The following EPHB1 variants were observed in gnomAD, a reference collection of about 807,000 sequenced individuals.
The protein encoded by EPHB1 is EPH receptor B1.
In EPHB1, 30 loss-of-function variants were observed where a neutral mutation model predicts 94.4. The observed-to-expected ratio is 0.32, with a 90% CI of 0.24 to 0.43. The LOEUF is 0.43. EPHB1 is among the 20% of genes least tolerant of loss of function. EPHB1 has a pLI of 1.00. For synonymous variants in EPHB1, 522 were observed against 489.1 expected, an observed-to-expected ratio of 1.07 and a Z score of -0.89; for missense variants, 1,055 against 1,308.3, an observed-to-expected ratio of 0.81 and a Z score of 2.99.
intron 5 of EPHB1, among the ~76,000 whole-genome samples, chr3:135,152,003 A>G (rs1941208999): frequency 6.6e-6 from 1 of 152,234 alleles, no homozygotes; most frequent in Non-Finnish European, 1.5e-5. Flanking sequence ...CATGATAGAT[A>G]TTAGTTTTAT....
chr3:135,180,382 C>T (rs963565895), intron 10 of EPHB1, among the ~76,000 whole-genome samples: 2 of 152,226 alleles, frequency 1.3e-5, no homozygotes, highest in African/African-American at 4.8e-5. Context: ...TCTTGCCATA[C>T]TGTAAGTTCT....
At chr3:134,992,243 C>A (rs1486401459) in intron 3 of EPHB1, among the ~76,000 whole-genome samples, 4 of 152,116 alleles carry the variant, frequency 2.6e-5, no homozygotes, top group South Asian at 2.1e-4. Context: ...AGGGAGCAGG[C>A]GGGCTGCTCT....
chr3:134,908,568 A>G (rs2107693149), intron 1 of EPHB1, among the ~76,000 whole-genome samples: 1 of 152,332 alleles, frequency 6.6e-6, no homozygotes, highest in South Asian at 2.1e-4. Context: ...GAGCTCCACC[A>G]GCGTGGTGAG....
At chr3:135,062,756 T>C (rs1307621531) in intron 3 of EPHB1, among the ~76,000 whole-genome samples, 1 of 152,242 alleles carries the variant, frequency 6.6e-6, no homozygotes, top group African/African-American at 2.4e-5. Context: ...ATGAAATCTT[T>C]GCCTAAGCCA....
chr3:135,093,741 T>C (rs1258822156), intron 3 of EPHB1, among the ~76,000 whole-genome samples: 1 of 151,662 alleles, frequency 6.6e-6, no homozygotes, highest in Non-Finnish European at 1.5e-5. Flanking sequence ...AAAAAAATCG[T>C]TTTCCATTCA....
chr3:135,232,070 G>A (rs1943544725), intron 12 of EPHB1, among the ~76,000 whole-genome samples: 1 of 152,172 alleles, frequency 6.6e-6, no homozygotes, highest in African/African-American at 2.4e-5. Context: ...TTGCAATTCA[G>A]CAGCCAGAAG....
chr3:135,213,728 G>T (rs1682055753), intron 12 of EPHB1, among the ~76,000 whole-genome samples: 1 of 152,172 alleles, frequency 6.6e-6, no homozygotes, highest in East Asian at 1.9e-4. Context: ...TTTCAGCATG[G>T]CTTTCTTTCT....
chr3:134,875,438 G>T (rs974344251), intron 1 of EPHB1, among the ~76,000 whole-genome samples: 1 of 152,152 alleles, frequency 6.6e-6, no homozygotes, highest in Non-Finnish European at 1.5e-5. Context: ...TGTCCCCTGT[G>T]GAAGGCAGGA....
intron 1 of EPHB1, among the ~76,000 whole-genome samples, chr3:134,801,608 G>A (rs1168677864): frequency 2.0e-5 from 3 of 152,220 alleles, no homozygotes; most frequent in Non-Finnish European, 4.4e-5. Flanking sequence ...GAGAAACAGA[G>A]CATTCGATGT....
At chr3:135,071,076 C>A (rs563890701) in intron 3 of EPHB1, among the ~76,000 whole-genome samples, 149 of 152,288 alleles carry the variant, frequency 9.8e-4, no homozygotes, top group Non-Finnish European at 1.8e-3. Context: ...CAAATACTGT[C>A]CCCCTCAAGG....
Position 135,043,789 on chromosome 3 carries a change from C to T in EPHB1, c.806-62659C>T, listed in dbSNP as rs146302371. The stretch of plus-strand genomic sequence containing the variant: ...TGACACCTTCACAAATTCTTTCCCA[C>T]GTTAGTGCTTGGGAAGGAAGAAGCA... On this transcript the variant is annotated intron_variant, in intron 3 of 15. Transcript: ENST00000398015. Among the ~76,000 whole-genome samples, 191 of 152,312 alleles carry T rather than the reference C, an allele frequency of 1.3e-3. 1 individual carries two copies. The highest frequency in any genetic ancestry group is 4.3e-4 in the Non-Finnish European group (29 of 68,036).
intron 3 of EPHB1, among the ~76,000 whole-genome samples, chr3:134,983,324 G>T (rs1247709761): frequency 6.6e-6 from 1 of 152,222 alleles, no homozygotes; most frequent in African/African-American, 2.4e-5. Context: ...GTGCTTAATT[G>T]CATTTGCTAT....
In EPHB1 at chr3:135,192,706, C is replaced by T. The variant is rs979839255; in HGVS notation, c.2013C>T (p.Ile671=). The change falls in exon 11 of 16, where the codon ATC becomes ATT. Residue 671 remains isoleucine (I), a synonymous_variant. Transcript: ENST00000398015. The part of the protein sequence containing the change: ...QRRDFLSEAS[I]MGQFDHPNII... Reference sequence around the variant, plus strand: ...GGGACTTTCTGAGTGAGGCGAGCATCATGGGCCAGTTCGACCATCCTAACA... The same window carrying T: ...GGGACTTTCTGAGTGAGGCGAGCATTATGGGCCAGTTCGACCATCCTAACA... 1.2e-6 allele frequency: 2 copies of T among 1,614,186 alleles called. No individual in the cohort carries two copies. The highest frequency in any genetic ancestry group is 1.7e-6 in the Non-Finnish European group (2 of 1,180,036).
intron 3 of EPHB1, among the ~76,000 whole-genome samples, chr3:134,994,535 C>T (rs6439543): frequency 2.2e-3 from 328 of 152,320 alleles, no homozygotes; most frequent in African/African-American, 7.3e-3. Context: ...GCAAAATACC[C>T]ATTGTGCCTG....
intron 10 of EPHB1, among the ~76,000 whole-genome samples, chr3:135,190,332 A>C (rs1356518455): frequency 6.6e-6 from 1 of 152,180 alleles, no homozygotes; most frequent in Non-Finnish European, 1.5e-5. Flanking sequence ...TTTACCCTCA[A>C]CTATCAACTC....
chr3:134,828,284 C>CA (rs1560252116), intron 1 of EPHB1, among the ~76,000 whole-genome samples: 1 of 151,862 alleles, frequency 6.6e-6, no homozygotes, highest in Non-Finnish European at 1.5e-5. Context: ...TGAGTAGGAA[C>CA]AAAAAAAGAT....
At chr3:134,797,992 A>G (rs9853030) in intron 1 of EPHB1, among the ~76,000 whole-genome samples, 151,430 of 152,352 alleles carry the variant, frequency 0.99, 75,262 homozygotes, top group Middle Eastern at 1. Flanking sequence ...CCGCCTGCCT[A>G]GCTGGGTTGG....
chr3:135,253,877 T>C (rs546892411), intron 15 of EPHB1, among the ~76,000 whole-genome samples: 11,551 of 151,206 alleles, frequency 0.076, 551 homozygotes, highest in Middle Eastern at 0.19. Flanking sequence ...TTTGTATCCT[T>C]TTTTATTTCC....
At chr3:134,981,495 A>G (rs1934401064) in intron 3 of EPHB1, among the ~76,000 whole-genome samples, 1 of 152,224 alleles carries the variant, frequency 6.6e-6, no homozygotes, top group South Asian at 2.1e-4. Flanking sequence ...CACTTTCCAG[A>G]GCTAAAATTA....
Sources: gnomAD v4.1 joint callset for allele counts (sites outside exome capture counted in the v4.1 genomes callset) on GRCh38, gnomAD v4.1.1 for gene constraint, MANE v1.5 for transcripts, NCBI Gene and HGNC (gene_info 2026-07-23, HGNC 2026-07-21) for gene names.